Variants in TNKS observed in about 807,000 individuals in gnomAD.
TNKS encodes the protein poly [ADP-ribose] polymerase tankyrase-1.
TNKS carries 72 observed loss-of-function variants against 135.8 expected under a neutral mutation model. The observed-to-expected ratio is 0.53, with a 90% CI of 0.44 to 0.64. The LOEUF (loss-of-function observed/expected upper bound fraction) is 0.64. Among genes scored for constraint, TNKS ranks in the 30% least tolerant of loss-of-function variants. The pLI is 0.00. For missense variants in TNKS, 1,769 were observed against 1,674.0 expected (o/e 1.06, Z -0.99); for synonymous variants, 849 against 649.3 (o/e 1.31, Z -4.68).
chr8:9,763,054 T>C, intron 21 of TNKS, 93 bp from the exon 22 acceptor site: 1 of 567,156 alleles, frequency 1.8e-6, no homozygotes, highest in African/African-American at 2.1e-5. Flanking sequence ...CCTCAATTAC[T>C]TATTATGAAT....
intron 26 of TNKS, among the ~76,000 whole-genome samples, chr8:9,772,796 TG>T (rs1168013015): frequency 3.0e-4 from 38 of 124,876 alleles, no homozygotes; most frequent in Non-Finnish European, 4.9e-4. Flanking sequence ...GGGGAGAATG[TG>T]TGTGTGTGTG....
At chr8:9,562,530 C>T (rs952996523) in intron 1 of TNKS, among the ~76,000 whole-genome samples, 2 of 152,102 alleles carry the variant, frequency 1.3e-5, no homozygotes, top group South Asian at 2.1e-4. Flanking sequence ...TCTATTCATT[C>T]ACTTTCAATC....
At chr8:9,581,046 T>TC (rs1798145253) in intron 2 of TNKS, among the ~76,000 whole-genome samples, 2 of 152,240 alleles carry the variant, frequency 1.3e-5, no homozygotes, top group Non-Finnish European at 2.9e-5. Context: ...CTCTTGAGTG[T>TC]ATCATCTGTT....
chr8:9,568,298 T>C (rs1797626131), intron 1 of TNKS, among the ~76,000 whole-genome samples: 2 of 152,328 alleles, frequency 1.3e-5, no homozygotes, highest in Non-Finnish European at 2.9e-5. Flanking sequence ...AGTAGTTCAG[T>C]AACAGCTCGA....
At chr8:9,631,654 CTATT>C (rs547363553) in intron 3 of TNKS, among the ~76,000 whole-genome samples, 256 of 152,040 alleles carry the variant, frequency 1.7e-3, no homozygotes, top group African/African-American at 5.8e-3. Context: ...ATTTGTGAGC[CTATT>C]TGTGTTTAAT....
At chr8:9,776,464 T>G (rs1808231096) in intron 26 of TNKS, among the ~76,000 whole-genome samples, 186 bp from the exon 27 acceptor site, 1 of 152,188 alleles carries the variant, frequency 6.6e-6, no homozygotes, top group Admixed American at 6.5e-5. Context: ...TTCTAGATTG[T>G]AGGGTTTATA....
intron 3 of TNKS, among the ~76,000 whole-genome samples, chr8:9,655,369 C>G (rs1801314937): frequency 6.6e-6 from 1 of 152,230 alleles, no homozygotes. Context: ...TTAAATGTCC[C>G]TGTCTGACAG....
chr8:9,582,535 G>A (rs1188576766), intron 2 of TNKS, among the ~76,000 whole-genome samples: 5 of 152,198 alleles, frequency 3.3e-5, no homozygotes, highest in Non-Finnish European at 7.3e-5. Flanking sequence ...CAGCTTACAG[G>A]AGACATCAGG....
intron 17 of TNKS, 116 bp from the exon 18 acceptor site, chr8:9,747,908 A>C: frequency 4.0e-6 from 4 of 987,752 alleles, no homozygotes; most frequent in Non-Finnish European, 5.8e-6. Flanking sequence ...AACTTCTGTT[A>C]AGGATGAAAA....
At chr8:9,770,543 GAACTAATGCCTTGTGCCA>G (rs1807766365) in intron 26 of TNKS, among the ~76,000 whole-genome samples, 2 of 152,222 alleles carry the variant, frequency 1.3e-5, no homozygotes. Context: ...CTGCAGCTCT[GAACTAATGCCTTGTGCCA>G]CTTCGTGGGC....
intron 2 of TNKS, among the ~76,000 whole-genome samples, chr8:9,585,840 C>T (rs1432448130): frequency 2.6e-5 from 4 of 152,102 alleles, no homozygotes; most frequent in South Asian, 4.2e-4. Context: ...TCAAGCTGCT[C>T]TTTAAAATCT....
intron 1 of TNKS, chr8:9,575,440 A>G (rs550972718): frequency 1.0e-6 from 1 of 984,794 alleles, no homozygotes; most frequent in East Asian, 1.1e-4. Flanking sequence ...GACTTATTCT[A>G]AAGTTATACT....
At chr8:9,609,052 T>A (rs1799343787) in intron 2 of TNKS, among the ~76,000 whole-genome samples, 1 of 152,206 alleles carries the variant, frequency 6.6e-6, no homozygotes, top group African/African-American at 2.4e-5. Context: ...GTTTAATTCT[T>A]TTATACATTT....
intron 2 of TNKS, among the ~76,000 whole-genome samples, chr8:9,610,060 T>G (rs983762053): frequency 1.3e-5 from 2 of 152,104 alleles, no homozygotes; most frequent in Admixed American, 1.3e-4. Flanking sequence ...GGTTTCACCT[T>G]GTTAGCCAGG....
chr8:9,613,922 A>G (rs547578970), intron 2 of TNKS, among the ~76,000 whole-genome samples: 1 of 152,350 alleles, frequency 6.6e-6, no homozygotes, highest in South Asian at 2.1e-4. Context: ...ACTCAGATAA[A>G]AATATTCATT....
intron 12 of TNKS, among the ~76,000 whole-genome samples, chr8:9,723,247 A>G (rs1485973385): frequency 7.3e-6 from 1 of 136,964 alleles, no homozygotes; most frequent in Non-Finnish European, 1.6e-5. Flanking sequence ...ATGTCTCTGT[A>G]GACTATGGAC....
intron 11 of TNKS, 130 bp from the exon 12 acceptor site, chr8:9,720,244 A>G: frequency 1.2e-6 from 1 of 832,566 alleles, no homozygotes; most frequent in South Asian, 2.7e-5. Flanking sequence ...AAAAGTTTAT[A>G]ATCAATATCT....
chr8:9,649,823 G>C (rs1801070516), intron 3 of TNKS, among the ~76,000 whole-genome samples: 1 of 148,204 alleles, frequency 6.7e-6, no homozygotes, highest in Non-Finnish European at 1.5e-5. Flanking sequence ...TTATGGCTGA[G>C]TACTAGTATT....
At chr8:9,666,808 G>A (rs1266414290) in intron 3 of TNKS, among the ~76,000 whole-genome samples, 1 of 152,118 alleles carries the variant, frequency 6.6e-6, no homozygotes, top group Non-Finnish European at 1.5e-5. Context: ...AGTCCAGAGA[G>A]CATTGCTATA....
Sources: gnomAD v4.1 joint callset for allele counts (sites outside exome capture counted in the v4.1 genomes callset) on GRCh38, gnomAD v4.1.1 for gene constraint, MANE v1.5 for transcripts, NCBI Gene and HGNC (gene_info 2026-07-23, HGNC 2026-07-21) for gene names.